Variants in DLG2 observed in about 807,000 individuals in gnomAD.
DLG2 encodes the protein disks large homolog 2.
A neutral mutation model predicts 132.5 loss-of-function variants in DLG2; 45 were observed. The observed-to-expected ratio is 0.34, with a 90% confidence interval of 0.27 to 0.44. The LOEUF is 0.44. DLG2 is among the 20% of genes least tolerant of loss of function. The pLI is 1.00. For missense variants in DLG2, 1,045 were observed against 1,196.9 expected (o/e 0.87, Z 1.87); for synonymous variants, 424 against 419.6 (o/e 1.01, Z -0.13).
chr11:85,398,293 A>G (rs1041706879), intron 3 of DLG2, among the ~76,000 whole-genome samples: 1 of 152,184 alleles, frequency 6.6e-6, no homozygotes, highest in Non-Finnish European at 1.5e-5. Context: ...GAAGAGGGAA[A>G]TTTATAGCAC....
chr11:85,618,089 C>T (rs558982232), intron 2 of DLG2, among the ~76,000 whole-genome samples: 9 of 152,152 alleles, frequency 5.9e-5, no homozygotes, highest in African/African-American at 9.6e-5. Flanking sequence ...AAAATTGAAC[C>T]CATGCGGAAA....
intron 14 of DLG2, among the ~76,000 whole-genome samples, chr11:83,931,118 A>C (rs1413541290): frequency 6.6e-6 from 1 of 152,218 alleles, no homozygotes; most frequent in Non-Finnish European, 1.5e-5. Flanking sequence ...ACAAAGAAAT[A>C]GTATAAATAG....
intron 9 of DLG2, among the ~76,000 whole-genome samples, chr11:84,150,295 A>G (rs2095252402): frequency 6.6e-6 from 1 of 152,144 alleles, no homozygotes; most frequent in South Asian, 2.1e-4. Context: ...ATGGATTCCT[A>G]GGTTTTTAAA....
At chr11:83,779,432 T>C (rs1161927641) in intron 18 of DLG2, among the ~76,000 whole-genome samples, 3 of 152,190 alleles carry the variant, frequency 2.0e-5, no homozygotes, top group Non-Finnish European at 4.4e-5. Flanking sequence ...AACAGTAACA[T>C]GCTAGAAATG....
chr11:84,868,573 C>G (rs746536645), intron 6 of DLG2, among the ~76,000 whole-genome samples: 2 of 152,086 alleles, frequency 1.3e-5, no homozygotes, highest in Middle Eastern at 3.2e-3. Context: ...GTAAAAATCT[C>G]CTAGGCTAGG....
intron 7 of DLG2, among the ~76,000 whole-genome samples, chr11:84,323,994 T>A (rs191010567): frequency 6.6e-4 from 100 of 152,194 alleles, no homozygotes; most frequent in African/African-American, 2.3e-3. Context: ...AAATATTTTA[T>A]CCCATTGTGT....
At chr11:83,856,859 G>A (rs990975473) in intron 16 of DLG2, among the ~76,000 whole-genome samples, 1 of 152,078 alleles carries the variant, frequency 6.6e-6, no homozygotes, top group African/African-American at 2.4e-5. Flanking sequence ...TTTTGCTTTG[G>A]TGTAATTGCT....
chr11:84,121,639 G>C (rs2093923897), intron 9 of DLG2, among the ~76,000 whole-genome samples: 1 of 130,202 alleles, frequency 7.7e-6, no homozygotes, highest in Non-Finnish European at 1.5e-5. Flanking sequence ...TCGGCTCACT[G>C]CAAGTTCCGC....
At chr11:84,104,165 A>T (rs1489320254) in intron 9 of DLG2, among the ~76,000 whole-genome samples, 1 of 152,170 alleles carries the variant, frequency 6.6e-6, no homozygotes, top group Admixed American at 6.6e-5. Flanking sequence ...TAATAAAGAC[A>T]TGGAATTAAC....
chr11:83,988,500 G>T (rs2093489149), intron 11 of DLG2, among the ~76,000 whole-genome samples: 1 of 152,104 alleles, frequency 6.6e-6, no homozygotes, highest in Admixed American at 6.6e-5. Flanking sequence ...ATTACTTTGG[G>T]CAGTATGGCC....
At chr11:83,750,935 A>T (rs935451032) in intron 18 of DLG2, among the ~76,000 whole-genome samples, 2 of 152,222 alleles carry the variant, frequency 1.3e-5, no homozygotes, top group Non-Finnish European at 2.9e-5. Flanking sequence ...CAGATATTTT[A>T]CTAGGCACTA....
At chr11:83,605,007 CAGAGAGAGAGAG>C (rs71066055) in intron 19 of DLG2, among the ~76,000 whole-genome samples, 2,147 of 129,936 alleles carry the variant, frequency 0.017, 31 homozygotes, top group Non-Finnish European at 0.027. Context: ...TTTTCAAAGA[CAGAGAGAGAGAG>C]AGAGAGAGAG....
rs17482520 is a variant in DLG2, at chr11:83,744,974, G to T, written c.1825+41716C>A. 1.9e-3 allele frequency among the ~76,000 whole-genome samples: 296 copies of T among 152,126 alleles called. 1 individual carries two copies. The highest frequency in any genetic ancestry group is 6.8e-3 in the African/African-American group (283 of 41,470). Reference sequence around the variant, plus strand: ...TCCATACTTAGCAGTTTAATCCAGCGTGGCTCCAAGCCAGCTGTCTTCTTA... The same window carrying T: ...TCCATACTTAGCAGTTTAATCCAGCTTGGCTCCAAGCCAGCTGTCTTCTTA... On this transcript the variant is annotated intron_variant, in intron 18 of 27. Transcript: ENST00000376104.
intron 7 of DLG2, among the ~76,000 whole-genome samples, chr11:84,439,589 T>C (rs1346420185): frequency 6.6e-6 from 1 of 152,214 alleles, no homozygotes; most frequent in African/African-American, 2.4e-5. Flanking sequence ...TTATACCCTG[T>C]ACTCTCTGGA....
rs1317930859 is a variant in DLG2 at position 83,963,134 on chromosome 11, A to G, written c.1202-111T>C. Reference sequence around the variant, plus strand: ...AACAGAAAGGCTTTGCTGCATGCCAAGGTTTTTCTTGTCCTCCCAGAGGGG... The same window carrying G: ...AACAGAAAGGCTTTGCTGCATGCCAGGGTTTTTCTTGTCCTCCCAGAGGGG... On this transcript the variant is annotated intron_variant, in intron 13 of 27. Coordinates refer to ENST00000376104, the MANE Select transcript of DLG2 (RefSeq NM_001142699.3). 5.7e-6 allele frequency: 7 copies of G among 1,236,014 alleles called. No homozygotes were observed. The East Asian group carries it at 1.4e-4, about 25-fold the overall frequency. 76.6% of individuals were successfully genotyped at this position (1,236,014 alleles called of 1,614,324 possible).
chr11:85,163,017 C>T (rs181969017), intron 4 of DLG2, among the ~76,000 whole-genome samples: 46 of 152,246 alleles, frequency 3.0e-4, no homozygotes, highest in East Asian at 1.4e-3. Flanking sequence ...GGCAAAACAA[C>T]GTGAAAAGAC....
chr11:84,720,141 T>C (rs1014269866), intron 6 of DLG2, among the ~76,000 whole-genome samples: 27 of 152,178 alleles, frequency 1.8e-4, no homozygotes, highest in African/African-American at 6.3e-4. Flanking sequence ...CAGTGCGATC[T>C]CTTGGCCCCC....
chr11:83,825,173 T>A (rs2040314), intron 17 of DLG2, among the ~76,000 whole-genome samples: 589 of 16,120 alleles, frequency 0.037, 2 homozygotes, highest in Middle Eastern at 0.25. Flanking sequence ...ATATATATAT[T>A]TTTTTTTTTT....
intron 6 of DLG2, among the ~76,000 whole-genome samples, chr11:84,612,737 C>T (rs1260095090): frequency 1.3e-5 from 2 of 151,978 alleles, no homozygotes; most frequent in Non-Finnish European, 2.9e-5. Flanking sequence ...TAAGCAACTA[C>T]TATGTATATA....
Sources: allele counts gnomAD v4.1 joint callset (sites outside exome capture counted in the v4.1 genomes callset), GRCh38; gene constraint gnomAD v4.1.1; transcripts MANE v1.5; gene names NCBI Gene and HGNC (gene_info 2026-07-23, HGNC 2026-07-21).